The following SORL1 variants were observed in gnomAD, a reference collection of about 807,000 sequenced individuals.
SORL1 encodes the protein sortilin related receptor 1.
A neutral mutation model predicts 273.7 loss-of-function variants in SORL1; 127 were observed. The ratio of observed to expected loss-of-function variants is 0.46; its 90% confidence interval spans 0.40 to 0.54. The LOEUF is 0.54. Among genes scored for constraint, SORL1 ranks in the 20% least tolerant of loss-of-function variants. The pLI is 0.00. For missense variants in SORL1, 2,494 were observed against 2,846.1 expected, an observed-to-expected ratio of 0.88 and a Z score of 2.81; for synonymous variants, 1,031 against 1,067.4, an observed-to-expected ratio of 0.97 and a Z score of 0.66.
At chr11:121,552,834 A>G (rs1862524479) in intron 16 of SORL1, among the ~76,000 whole-genome samples, 3 of 152,346 alleles carry the variant, frequency 2.0e-5, no homozygotes, top group African/African-American at 7.2e-5. Context: ...GCATGCAGCA[A>G]AAGAATTCCG....
At position 121,567,055 on chromosome 11, in the gene SORL1, C is replaced by A; in HGVS notation, c.3165C>A (p.Asp1055Glu). 6.2e-7 allele frequency: 1 copy of A among 1,614,178 alleles called. No individual in the cohort carries two copies. The highest frequency in any genetic ancestry group is 8.5e-7 in the Non-Finnish European group (1 of 1,180,006). The change falls in exon 22 of 48, where the codon GAC (aspartate) becomes GAA (glutamate). Residue 1055 changes from aspartate to glutamate, a missense_variant. Coordinates refer to ENST00000260197, the MANE Select transcript of SORL1 (RefSeq NM_003105.6). ...CCAGCAGTGTGCTTCCATCAGGGGA[C>A]CTGATGTGTGACTGCCCTCAGGGCT... ...DVSSSVLPSG[D>E]LMCDCPQGYQ...
At chr11:121,454,230 G>A (rs1411002438) in intron 1 of SORL1, among the ~76,000 whole-genome samples, 1 of 152,274 alleles carries the variant, frequency 6.6e-6, no homozygotes, top group African/African-American at 2.4e-5. Context: ...GGCCTCCGCA[G>A]TCAGCCCAGC....
At chr11:121,581,231 C>T (rs7116734) in intron 25 of SORL1, among the ~76,000 whole-genome samples, 81,815 of 152,098 alleles carry the variant, frequency 0.54, 23,747 homozygotes, top group East Asian at 0.77. Flanking sequence ...TATAGTCTAG[C>T]GCTTTGTAAG....
At chr11:121,481,706 C>T (rs1861390766) in intron 3 of SORL1, among the ~76,000 whole-genome samples, 2 of 132,250 alleles carry the variant, frequency 1.5e-5, no homozygotes, top group South Asian at 2.5e-4. Context: ...TGCACAGATA[C>T]CTATAGGCAG....
intron 32 of SORL1, among the ~76,000 whole-genome samples, chr11:121,601,931 A>G (rs567349994): frequency 1.3e-5 from 2 of 152,282 alleles, no homozygotes; most frequent in East Asian, 3.9e-4. Context: ...TCCTATATAA[A>G]ATGGCATAAC....
intron 6 of SORL1, among the ~76,000 whole-genome samples, chr11:121,500,769 T>G (rs531297252): frequency 1.9e-4 from 29 of 152,348 alleles, no homozygotes; most frequent in African/African-American, 7.0e-4. Flanking sequence ...TGGGCCTCTC[T>G]AAATTGTTAT....
Position 121,553,919 on chromosome 11 carries a change from G to T in SORL1, c.2267-18G>T. ...ATCCCCTGGGTCCAACCTCCCACGT[G>T]TCTTGTGTGTCTGGCAGAAGAGAAC... is the stretch of plus-strand genomic sequence containing the variant. On this transcript the variant is annotated intron_variant, in intron 16 of 47. Transcript: ENST00000260197. 6.2e-7 allele frequency: 1 copy of T among 1,607,882 alleles called. No individual in the cohort carries two copies. Among genetic ancestry groups the T allele is most frequent in the Non-Finnish European group, 8.5e-7 (1 of 1,175,934 alleles).
chr11:121,578,323 A>G (rs1170885176), intron 25 of SORL1, among the ~76,000 whole-genome samples: 2 of 152,216 alleles, frequency 1.3e-5, no homozygotes, highest in Non-Finnish European at 2.9e-5. Context: ...CTTCTCAATT[A>G]TCTGAAGCCA....
chr11:121,621,278 G>T, intron 44 of SORL1, 40 bp downstream of exon 44: 1 of 1,559,596 alleles, frequency 6.4e-7, no homozygotes, highest in Non-Finnish European at 8.8e-7. Flanking sequence ...CACACAGCCT[G>T]CCCTCAGTGC....
chr11:121,615,172 C>T, intron 41 of SORL1, 117 bp downstream of exon 41: 1 of 786,262 alleles, frequency 1.3e-6, no homozygotes, highest in Non-Finnish European at 1.9e-6. Context: ...CCCTGCTGCT[C>T]TTGGATATAG....
chr11:121,605,157 G>C lies in SORL1; in HGVS notation c.4696G>C (p.Asp1566His), dbSNP rs1468370872. Reference sequence around the variant, plus strand: ...AGTACAGAATCTTCAGTGGACAGCTGACTTCTCTGGGGATGTGACTTTGAC... The same window carrying C: ...AGTACAGAATCTTCAGTGGACAGCTCACTTCTCTGGGGATGTGACTTTGAC... ...YKVQNLQWTA[D>H]FSGDVTLTWM... The change falls in exon 34 of 48, where the codon GAC (aspartate) becomes CAC (histidine). Residue 1566 changes from aspartate to histidine, a missense_variant. Asp to His is a moderately conservative substitution (Grantham distance 81). This residue lies in a region of SORL1 where 1,609 missense variants were observed against 1,816.4 expected (regional missense o/e 0.89). Transcript: ENST00000260197. 28 of 1,613,486 alleles carry C rather than the reference G, an allele frequency of 1.7e-5. No homozygotes were observed. Among genetic ancestry groups the C allele is most frequent in the Non-Finnish European group, 2.2e-5 (26 of 1,179,566 alleles).
At chr11:121,557,561 G>A (rs1487340657) in intron 19 of SORL1, among the ~76,000 whole-genome samples, 156 bp downstream of exon 19, 3 of 152,204 alleles carry the variant, frequency 2.0e-5, no homozygotes, top group Non-Finnish European at 2.9e-5. Flanking sequence ...CTTAGTCATC[G>A]TGGTCAGGTA....
intron 3 of SORL1, among the ~76,000 whole-genome samples, chr11:121,485,004 C>A (rs1416845964): frequency 6.6e-6 from 1 of 152,228 alleles, no homozygotes; most frequent in East Asian, 1.9e-4. Flanking sequence ...ATCTGCCCAC[C>A]TTGGCCTCCC....
chr11:121,502,755 A>C (rs1259346667), intron 6 of SORL1, among the ~76,000 whole-genome samples: 2 of 152,080 alleles, frequency 1.3e-5, no homozygotes, highest in African/African-American at 4.8e-5. Flanking sequence ...GTTGAGTTAT[A>C]ATAGTTCTTT....
Position 121,539,148 on chromosome 11 carries a change from T to C in SORL1, c.1686-4400T>C, listed in dbSNP as rs1862310112. ...ATACGTCAGCACTCTTGGGATGTGC[T>C]TATTTTACCATCAGTGAATTTTATC... is the stretch of plus-strand genomic sequence containing the variant. On this transcript the variant is annotated intron_variant, in intron 12 of 47. Transcript: ENST00000260197. Among the ~76,000 whole-genome samples, 2 of 152,264 alleles carry C rather than the reference T, an allele frequency of 1.3e-5. 1 individual carries two copies. The highest frequency in any genetic ancestry group is 4.1e-4 in the South Asian group (2 of 4,834).
chr11:121,463,063 G>A (rs994956862), intron 1 of SORL1, among the ~76,000 whole-genome samples: 3 of 152,150 alleles, frequency 2.0e-5, no homozygotes, highest in African/African-American at 7.2e-5. Flanking sequence ...GGCAAGTCCT[G>A]GCTTGGGGTG....
At chr11:121,564,436 C>G (rs1345779084) in intron 21 of SORL1, among the ~76,000 whole-genome samples, 1 of 152,140 alleles carries the variant, frequency 6.6e-6, no homozygotes, top group Non-Finnish European at 1.5e-5. Flanking sequence ...ATTTTGAGTT[C>G]TCTACTCTTA....
In SORL1 at chr11:121,497,063, A is replaced by G; in HGVS notation, c.939+14A>G. The G allele has an allele frequency of 6.2e-7, 1 of 1,607,296 alleles. No homozygotes were observed. The highest frequency in any genetic ancestry group is 8.5e-7 in the Non-Finnish European group (1 of 1,176,690). On this transcript the variant is annotated intron_variant, in intron 6 of 47. Transcript: ENST00000260197. ...ACAAAGGTGGTGGTAAGTTGAATGT[A>G]CTAAAGAATAAACTACTTTTGAGTT...
chr11:121,510,605 T>C (rs1359742972), intron 6 of SORL1, among the ~76,000 whole-genome samples: 2 of 152,226 alleles, frequency 1.3e-5, no homozygotes, highest in Admixed American at 6.5e-5. Context: ...ACGAAACTTC[T>C]GTTTTTATCT....
Sources: gnomAD v4.1 joint callset for allele counts (sites outside exome capture counted in the v4.1 genomes callset) on GRCh38, gnomAD v4.1.1 for gene constraint, gnomAD v4.1.1 regional missense constraint, MANE v1.5 for transcripts, NCBI Gene and HGNC (gene_info 2026-07-23, HGNC 2026-07-21) for gene names.